The following PDGFC variants were observed in gnomAD, a reference collection of about 807,000 sequenced individuals.
PDGFC encodes platelet-derived growth factor C.
A neutral mutation model predicts 35.5 loss-of-function variants in PDGFC; 12 were observed. The ratio of observed to expected loss-of-function variants is 0.34; its 90% CI spans 0.22 to 0.55. PDGFC has a LOEUF of 0.55. PDGFC is among the 20% of genes least tolerant of loss of function. The pLI, the probability that PDGFC is intolerant of heterozygous loss-of-function variation, is 0.91. For missense variants in PDGFC, 322 were observed against 412.4 expected, an observed-to-expected ratio of 0.78 and a Z score of 1.90; for synonymous variants, 159 against 148.8, an observed-to-expected ratio of 1.07 and a Z score of -0.50.
chr4:156,911,889 A>G (rs1451088951), intron 1 of PDGFC, among the ~76,000 whole-genome samples: 1 of 152,118 alleles, frequency 6.6e-6, no homozygotes, highest in Non-Finnish European at 1.5e-5. Context: ...CATGTTTATG[A>G]TTTACATATG....
At chr4:156,883,834 C>G (rs1253314336) in intron 1 of PDGFC, among the ~76,000 whole-genome samples, 1 of 151,786 alleles carries the variant, frequency 6.6e-6, no homozygotes, top group Non-Finnish European at 1.5e-5. Context: ...ATTATTATAC[C>G]TGAGGGGGGT....
intron 4 of PDGFC, among the ~76,000 whole-genome samples, chr4:156,771,355 A>G (rs1009207504): frequency 9.9e-5 from 15 of 152,264 alleles, no homozygotes; most frequent in African/African-American, 3.4e-4. Context: ...AATCAACTTC[A>G]AATTTGCTAA....
chr4:156,910,864 T>A (rs939956646), intron 1 of PDGFC, among the ~76,000 whole-genome samples: 1 of 152,206 alleles, frequency 6.6e-6, no homozygotes. Context: ...TCTGTTCATG[T>A]CTTTTATCCA....
At chr4:156,925,368 T>C (rs1405292170) in intron 1 of PDGFC, among the ~76,000 whole-genome samples, 2 of 152,086 alleles carry the variant, frequency 1.3e-5, no homozygotes, top group Non-Finnish European at 2.9e-5. Context: ...AAGATGCTAC[T>C]GTGGTGTAGT....
chr4:156,862,738 T>G (rs1310921052), intron 1 of PDGFC, among the ~76,000 whole-genome samples: 1 of 148,414 alleles, frequency 6.7e-6, no homozygotes, highest in Non-Finnish European at 1.5e-5. Flanking sequence ...TTTTTTTTTT[T>G]GGTCACCCAG....
At chr4:156,784,989 G>A (rs1033373670) in intron 3 of PDGFC, among the ~76,000 whole-genome samples, 4 of 152,138 alleles carry the variant, frequency 2.6e-5, no homozygotes, top group African/African-American at 9.7e-5. Context: ...TAATTGGAAG[G>A]CTGTTAAATA....
intron 1 of PDGFC, among the ~76,000 whole-genome samples, chr4:156,921,020 T>C (rs1231067728): frequency 2.6e-5 from 4 of 152,294 alleles, no homozygotes; most frequent in Middle Eastern, 3.4e-3. Flanking sequence ...TTGAATGCTA[T>C]GAATGTGACT....
intron 1 of PDGFC, among the ~76,000 whole-genome samples, chr4:156,909,089 C>CATTTGA (rs1267272468): frequency 2.6e-5 from 4 of 151,990 alleles, no homozygotes; most frequent in African/African-American, 9.7e-5. Context: ...GGAATAAATA[C>CATTTGA]CAGCATTTGA....
chr4:156,865,382 A>T (rs1729815612), intron 1 of PDGFC, among the ~76,000 whole-genome samples: 1 of 152,232 alleles, frequency 6.6e-6, no homozygotes, highest in Admixed American at 6.5e-5. Context: ...AATTTTAAAA[A>T]TTATTAACTT....
chr4:156,831,498 C>T (rs1728932699), intron 2 of PDGFC, among the ~76,000 whole-genome samples: 1 of 134,594 alleles, frequency 7.4e-6, no homozygotes, highest in South Asian at 2.6e-4. Context: ...GGCTGGAGTG[C>T]AGTGCCATGA....
At chr4:156,875,989 AGTTAATAG>A (rs2111157605) in intron 1 of PDGFC, among the ~76,000 whole-genome samples, 1 of 152,328 alleles carries the variant, frequency 6.6e-6, no homozygotes, top group Non-Finnish European at 1.5e-5. Context: ...ATGGAAGAGA[AGTTAATAG>A]AGTACACAAA....
chr4:156,786,269 C>A (rs1003150972), intron 3 of PDGFC, among the ~76,000 whole-genome samples: 1 of 152,080 alleles, frequency 6.6e-6, no homozygotes, highest in Non-Finnish European at 1.5e-5. Context: ...TGGAGAAAAA[C>A]AGACCATGCA....
chr4:156,923,790 T>C (rs778989691), intron 1 of PDGFC, among the ~76,000 whole-genome samples: 4 of 151,822 alleles, frequency 2.6e-5, no homozygotes, highest in Non-Finnish European at 5.9e-5. Context: ...TACTAATACA[T>C]GTAACGAACT....
intron 1 of PDGFC, among the ~76,000 whole-genome samples, chr4:156,946,190 T>C (rs1290220831): frequency 6.6e-6 from 1 of 151,908 alleles, no homozygotes; most frequent in Non-Finnish European, 1.5e-5. Flanking sequence ...GCAGAGAAGA[T>C]AGAGAGGAAA....
intron 1 of PDGFC, among the ~76,000 whole-genome samples, chr4:156,935,464 G>T (rs924494911): frequency 6.6e-6 from 1 of 152,122 alleles, no homozygotes; most frequent in African/African-American, 2.4e-5. Flanking sequence ...CAGGAGGTTT[G>T]TTTCCACCAG....
chr4:156,881,682 T>C (rs565482362), intron 1 of PDGFC, among the ~76,000 whole-genome samples: 1 of 151,634 alleles, frequency 6.6e-6, no homozygotes, highest in South Asian at 2.1e-4. Context: ...AATACAAAAT[T>C]AGTGGGGCAT....
chr4:156,896,756 G>A (rs898075228), intron 1 of PDGFC, among the ~76,000 whole-genome samples: 5 of 152,196 alleles, frequency 3.3e-5, no homozygotes, highest in African/African-American at 1.2e-4. Flanking sequence ...ATAGAGGGTA[G>A]GAAGTTATTC....
At chr4:156,775,966 G>A (rs879837785) in intron 3 of PDGFC, among the ~76,000 whole-genome samples, 21 of 152,098 alleles carry the variant, frequency 1.4e-4, no homozygotes, top group Non-Finnish European at 2.8e-4. Context: ...GGACAGAACA[G>A]GGGAAGTGGT....
At chr4:156,858,077 A>G (rs1729625364) in intron 1 of PDGFC, among the ~76,000 whole-genome samples, 1 of 152,112 alleles carries the variant, frequency 6.6e-6, no homozygotes, top group African/African-American at 2.4e-5. Context: ...GTTTACCTGG[A>G]ATAGCCTTAT....
Sources: gnomAD v4.1 joint callset for allele counts (sites outside exome capture counted in the v4.1 genomes callset) on GRCh38, gnomAD v4.1.1 for gene constraint, MANE v1.5 for transcripts, NCBI Gene and HGNC (gene_info 2026-07-23, HGNC 2026-07-21) for gene names.